The following TOX2 variants were observed in gnomAD, a reference collection of about 807,000 sequenced individuals.
The protein encoded by TOX2 is TOX high mobility group box family member 2, also known as granulosa cell HMG box 1.
In TOX2, 15 loss-of-function variants were observed where a neutral mutation model predicts 47.4. That is an observed-to-expected ratio of 0.32 (90% CI 0.21 to 0.49). The LOEUF is 0.49. Among genes scored for constraint, TOX2 ranks in the 20% least tolerant of loss-of-function variants. TOX2 has a pLI of 0.99. For synonymous variants in TOX2, 290 were observed against 296.6 expected (o/e 0.98, Z 0.23); for missense variants, 622 against 673.1 (o/e 0.92, Z 0.84).
At chr20:44,003,342 C>T (rs1368580807) in intron 2 of TOX2, among the ~76,000 whole-genome samples, 1 of 152,062 alleles carries the variant, frequency 6.6e-6, no homozygotes, top group Non-Finnish European at 1.5e-5. Context: ...CATGGCCACA[C>T]ACCCAGTGAA....
chr20:44,050,284 CAAAG>C (rs1306036193), intron 3 of TOX2, among the ~76,000 whole-genome samples: 2 of 151,982 alleles, frequency 1.3e-5, no homozygotes, highest in African/African-American at 2.4e-5. Context: ...TAGCTAAAGA[CAAAG>C]AATTAGAAAA....
At chr20:43,945,837 A>G (rs1024154967) in intron 1 of TOX2, 3 of 1,588,070 alleles carry the variant, frequency 1.9e-6, no homozygotes, top group African/African-American at 1.3e-5. Context: ...CCTCCAGCCA[A>G]TAGAGGACCA....
chr20:43,951,707 G>GTTTGTTTTTTTTTTTTTTTTTTTT (rs2069571364), intron 1 of TOX2, among the ~76,000 whole-genome samples: 2 of 55,098 alleles, frequency 3.6e-5, no homozygotes, highest in Non-Finnish European at 7.8e-5. Flanking sequence ...AACTTATTAT[G>GTTTGTTTTTTTTTTTTTTTTTTTT]TTTTTTTTTT....
intron 1 of TOX2, among the ~76,000 whole-genome samples, chr20:43,927,625 C>CA (rs2069188238): frequency 1.2e-5 from 1 of 81,380 alleles, no homozygotes; most frequent in African/African-American, 6.2e-5. Flanking sequence ...TCCTTCCTTC[C>CA]TCCTTCCTTC....
intron 3 of TOX2, among the ~76,000 whole-genome samples, chr20:44,022,093 C>T (rs555812177): frequency 5.3e-5 from 8 of 152,230 alleles, no homozygotes; most frequent in Admixed American, 2.0e-4. Context: ...GAGCAATGGC[C>T]GGCCGATGAC....
At chr20:43,947,269 G>A (rs1469247403) in intron 1 of TOX2, among the ~76,000 whole-genome samples, 1 of 152,228 alleles carries the variant, frequency 6.6e-6, no homozygotes, top group African/African-American at 2.4e-5. Flanking sequence ...CATAAAATGG[G>A]GACACTGATG....
intron 1 of TOX2, among the ~76,000 whole-genome samples, chr20:43,972,487 C>T (rs1380229241): frequency 1.3e-5 from 2 of 152,196 alleles, no homozygotes; most frequent in Non-Finnish European, 2.9e-5. Context: ...TTCTAGGGAA[C>T]CCTATCTAAG....
intron 5 of TOX2, among the ~76,000 whole-genome samples, chr20:44,062,510 G>T (rs1413540394): frequency 6.6e-6 from 1 of 151,994 alleles, no homozygotes; most frequent in African/African-American, 2.4e-5. Flanking sequence ...TGAAACAAAT[G>T]GAAACACATC....
chr20:43,993,865 A>G (rs1331594131), intron 2 of TOX2, among the ~76,000 whole-genome samples: 1 of 152,206 alleles, frequency 6.6e-6, no homozygotes, highest in Non-Finnish European at 1.5e-5. Flanking sequence ...TAAAAATGTA[A>G]TTTGAGGCTG....
chr20:43,960,637 A>G (rs2069742516), intron 1 of TOX2, among the ~76,000 whole-genome samples: 1 of 152,242 alleles, frequency 6.6e-6, no homozygotes, highest in Non-Finnish European at 1.5e-5. Flanking sequence ...TGGTACCTGA[A>G]ACAACAGGTA....
chr20:44,064,983 T>A (rs1016710834), intron 6 of TOX2, 126 bp downstream of exon 6: 7 of 793,114 alleles, frequency 8.8e-6, no homozygotes, highest in African/African-American at 3.5e-5. Context: ...CAGACCTACA[T>A]GGTCATGTCT....
At chr20:44,034,087 C>T (rs1384851071) in intron 3 of TOX2, among the ~76,000 whole-genome samples, 1 of 152,216 alleles carries the variant, frequency 6.6e-6, no homozygotes, top group Non-Finnish European at 1.5e-5. Flanking sequence ...TTATCTGCCA[C>T]CCTACCCATC....
At chr20:43,929,814 A>T (rs1302870243) in intron 1 of TOX2, among the ~76,000 whole-genome samples, 1 of 152,140 alleles carries the variant, frequency 6.6e-6, no homozygotes, top group African/African-American at 2.4e-5. Context: ...GGTTCAAGTG[A>T]TTCTCCTACC....
chr20:44,062,071 A>G (rs891484450), intron 5 of TOX2, among the ~76,000 whole-genome samples: 1 of 151,852 alleles, frequency 6.6e-6, no homozygotes, highest in Admixed American at 6.6e-5. Context: ...AGAACAAGAC[A>G]AGGATGCCCA....
chr20:43,945,700 C>T (rs538096683), intron 1 of TOX2: 2 of 586,996 alleles, frequency 3.4e-6, no homozygotes, highest in South Asian at 4.0e-5. Flanking sequence ...GGCGTGGAGA[C>T]CGCCACCAGG....
chr20:43,928,693 A>G (rs2069209135), intron 1 of TOX2, among the ~76,000 whole-genome samples: 1 of 152,136 alleles, frequency 6.6e-6, no homozygotes, highest in South Asian at 2.1e-4. Flanking sequence ...TGCCTTCCAC[A>G]TGCCAGCTGG....
intron 1 of TOX2, among the ~76,000 whole-genome samples, chr20:43,966,524 G>A (rs189775660): frequency 6.7e-4 from 102 of 152,208 alleles, no homozygotes; most frequent in African/African-American, 2.3e-3. Flanking sequence ...TTGGGAGGCC[G>A]AGGCAGGCAG....
intron 4 of TOX2, among the ~76,000 whole-genome samples, chr20:44,052,845 C>T (rs1016808704): frequency 6.6e-6 from 1 of 152,154 alleles, no homozygotes; most frequent in East Asian, 1.9e-4. Context: ...AACCCCCTGC[C>T]CTGCTGTGCC....
intron 3 of TOX2, among the ~76,000 whole-genome samples, chr20:44,048,418 A>ATATATATATTTATATATATAT (rs60006058): frequency 7.4e-6 from 1 of 134,396 alleles, no homozygotes; most frequent in African/African-American, 2.8e-5. Context: ...ATATATGTAT[A>ATATATATATTTATATATATAT]ATTTACCAAA....
Sources: gnomAD v4.1 joint callset for allele counts (sites outside exome capture counted in the v4.1 genomes callset) on GRCh38, gnomAD v4.1.1 for gene constraint, MANE v1.5 for transcripts, NCBI Gene and HGNC (gene_info 2026-07-23, HGNC 2026-07-21) for gene names.